The following UBE4A variants were observed in gnomAD, a reference collection of about 807,000 sequenced individuals.
UBE4A encodes the protein ubiquitin conjugation factor E4 A.
A neutral mutation model predicts 117.9 loss-of-function variants in UBE4A; 48 were observed. The ratio of observed to expected loss-of-function variants is 0.41; its 90% CI spans 0.32 to 0.52. The LOEUF (loss-of-function observed/expected upper bound fraction) is 0.52, where lower values mean the gene tolerates loss of function less well. UBE4A is among the 20% of genes least tolerant of loss of function. The probability of loss-of-function intolerance (pLI) is 0.33; values close to 1 mark genes in which losing one functional copy is unlikely to be tolerated. For missense variants in UBE4A, 1,067 were observed against 1,296.3 expected, an observed-to-expected ratio of 0.82 and a Z score of 2.72; for synonymous variants, 407 against 450.0, an observed-to-expected ratio of 0.90 and a Z score of 1.21.
chr11:118,364,496 A>T (rs1948547282), intron 1 of UBE4A, among the ~76,000 whole-genome samples: 1 of 152,124 alleles, frequency 6.6e-6, no homozygotes, highest in African/African-American at 2.4e-5. Flanking sequence ...AACTGCTTCC[A>T]GTCCTGATTT....
At chr11:118,387,025 A>G (rs1277422728) in intron 16 of UBE4A, among the ~76,000 whole-genome samples, 1 of 152,212 alleles carries the variant, frequency 6.6e-6, no homozygotes, top group Non-Finnish European at 1.5e-5. Context: ...AGCCACTTGC[A>G]ACGTGTGGCT....
intron 3 of UBE4A, 80 bp from the exon 4 acceptor site, chr11:118,369,343 A>G: frequency 1.0e-6 from 1 of 996,924 alleles, no homozygotes; most frequent in African/African-American, 1.6e-5. Context: ...TTGCAGTTCA[A>G]GAGTGATGCT....
intron 13 of UBE4A, 76 bp downstream of exon 13, chr11:118,382,852 G>A (rs1008220067): frequency 3.8e-6 from 5 of 1,319,992 alleles, no homozygotes; most frequent in South Asian, 2.2e-5. Context: ...TCCGTATTTG[G>A]ATATCAAAGA....
chr11:118,387,024 C>G (rs546989115), intron 16 of UBE4A, among the ~76,000 whole-genome samples: 1 of 152,308 alleles, frequency 6.6e-6, no homozygotes, highest in African/African-American at 2.4e-5. Context: ...TAGCCACTTG[C>G]AACGTGTGGC....
At chr11:118,372,478 A>C in intron 5 of UBE4A, 29 bp from the exon 6 acceptor site, 1 of 1,592,756 alleles carries the variant, frequency 6.3e-7, no homozygotes, top group Non-Finnish European at 8.5e-7. Flanking sequence ...GAGTTAGACT[A>C]TTCCCTCTTT....
At chr11:118,367,129 G>C (rs541857621) in intron 2 of UBE4A, among the ~76,000 whole-genome samples, 6 of 151,400 alleles carry the variant, frequency 4.0e-5, no homozygotes, top group Non-Finnish European at 7.4e-5. Context: ...GAACCTGGGA[G>C]GTAGAGGTTG....
At chr11:118,373,465 G>T in intron 7 of UBE4A, 29 bp from the exon 8 acceptor site, 1 of 1,594,918 alleles carries the variant, frequency 6.3e-7, no homozygotes, top group Non-Finnish European at 8.5e-7. Context: ...CCATGAAGAT[G>T]AATAAGCAGA....
intron 7 of UBE4A, 64 bp from the exon 8 acceptor site, chr11:118,373,430 C>T (rs1391143780): frequency 6.5e-7 from 1 of 1,549,800 alleles, no homozygotes; most frequent in Non-Finnish European, 8.7e-7. Flanking sequence ...GTTTTGAGGC[C>T]CTCCCACCCC....
chr11:118,368,753 C>T lies in UBE4A; in HGVS notation c.244C>T (p.Leu82Phe). 2 of 1,614,178 alleles carry T rather than the reference C, an allele frequency of 1.2e-6. No homozygotes were observed. Among genetic ancestry groups the T allele is most frequent in the Non-Finnish European group, 1.7e-6 (2 of 1,180,034 alleles). Residue 82 changes from leucine (L) to phenylalanine (F), a missense_variant, in exon 3 of 20, where the codon CTC becomes TTC. Leu to Phe is a conservative substitution (Grantham distance 22). Transcript: ENST00000252108. Reference sequence around the variant, plus strand: ...ATCACAGCAGGAAATATGTGAGCAACTCAACATCAATCACATGATCCAAAG... The same window carrying T: ...ATCACAGCAGGAAATATGTGAGCAATTCAACATCAATCACATGATCCAAAG... The part of the protein sequence containing the change: ...FRSQQEICEQ[L>F]NINHMIQRIF...
At chr11:118,370,701 A>G (rs1409042432) in intron 4 of UBE4A, among the ~76,000 whole-genome samples, 1 of 152,032 alleles carries the variant, frequency 6.6e-6, no homozygotes, top group Non-Finnish European at 1.5e-5. Context: ...GGCTGAGAAG[A>G]TTCAGGGTAT....
chr11:118,393,588 T>C (rs1325721288), intron 19 of UBE4A, among the ~76,000 whole-genome samples: 1 of 150,108 alleles, frequency 6.7e-6, no homozygotes, highest in African/African-American at 2.5e-5. Flanking sequence ...TGTGAGCCAC[T>C]GTGCCTGGCC....
chr11:118,373,185 A>T lies in UBE4A; in HGVS notation c.821A>T (p.Asp274Val). Residue 274 changes from aspartate (D) to valine (V), a missense_variant, in exon 7 of 20, where the codon GAT becomes GTT. By Grantham distance (152) the Asp-to-Val change is radical (BLOSUM62 -3). Around this residue, in one of 3 missense-constraint regions of UBE4A, gnomAD observed 1,001 missense variants for 1,184.0 expected, o/e 0.85. Coordinates refer to ENST00000252108, the MANE Select transcript of UBE4A (RefSeq NM_001204077.2). ...CCAGAAGTCATGATTCCAGTGTTTGATATTTTATTGGGCCGAATAAAAGAT... is the reference window on the plus strand; with the variant it reads ...CCAGAAGTCATGATTCCAGTGTTTGTTATTTTATTGGGCCGAATAAAAGAT... ...TFPEVMIPVF[D>V]ILLGRIKDLE... 1.2e-6 allele frequency: 2 copies of T among 1,613,958 alleles called. No individual in the cohort carries two copies. Among genetic ancestry groups the T allele is most frequent in the Admixed American group, 1.7e-5 (1 of 60,008 alleles).
At position 118,375,105 on chromosome 11, in the gene UBE4A, C is replaced by T. The variant is rs368482492; in HGVS notation, c.1326C>T (p.Leu442=). The T allele has an allele frequency of 1.1e-5, 18 of 1,614,072 alleles. No individual in the cohort carries two copies. In the African/African-American group the frequency reaches 2.4e-4, roughly 22 times the overall value. Residue 442 remains leucine, a synonymous_variant, in exon 9 of 20, where the codon CTC becomes CTT. Coordinates refer to ENST00000252108, the MANE Select transcript of UBE4A (RefSeq NM_001204077.2). ...DAFFLNLGAA[L]LKLCQPFCKP... is the part of the protein sequence containing the mutation. ...TCTTTCTGAATCTGGGTGCTGCTCT[C>T]CTGAAGCTATGCCAGCCATTTTGCA...
chr11:118,396,477 G>C lies in UBE4A; in HGVS notation c.*37G>C. On this transcript the variant is annotated 3_prime_UTR_variant, in exon 20 of 20. Transcript: ENST00000252108. ...TAACCAAACCAAAACCAACCCCAGA[G>C]TGCAGATAAACAATTGTTTGTGGTT... 8 of 1,589,352 alleles carry C rather than the reference G, an allele frequency of 5.0e-6. No homozygotes were observed. The highest frequency in any genetic ancestry group is 6.0e-6 in the Non-Finnish European group (7 of 1,169,450).
At position 118,375,092 on chromosome 11, in the gene UBE4A, T is replaced by C; in HGVS notation, c.1313T>C (p.Leu438Pro). 6.2e-7 allele frequency: 1 copy of C among 1,614,236 alleles called. No individual in the cohort carries two copies. Among genetic ancestry groups the C allele is most frequent in the East Asian group, 2.2e-5 (1 of 44,886 alleles). The change falls in exon 9 of 20, where the codon CTG becomes CCG. Residue 438 changes from leucine (L) to proline (P), a missense_variant. This residue lies in a region of UBE4A where 1,001 missense variants were observed against 1,184.0 expected (regional missense o/e 0.85). Transcript: ENST00000252108. ...GCCTCAGATGCTTTCTTTCTGAATC[T>C]GGGTGCTGCTCTCCTGAAGCTATGC... ...MYASDAFFLN[L>P]GAALLKLCQP... is the part of the protein sequence containing the mutation.
Position 118,397,247 on chromosome 11 carries a change from A to G in UBE4A, c.*807A>G, listed in dbSNP as rs531424516. On this transcript the variant is annotated 3_prime_UTR_variant, in exon 20 of 20. Coordinates refer to ENST00000252108, the MANE Select transcript of UBE4A (RefSeq NM_001204077.2). The stretch of plus-strand genomic sequence containing the variant: ...ATGAAAAATGTCATTTTAAGACACT[A>G]ATATCAACAGTATATCTCAGTGTGT... 20 of 152,318 alleles carry G rather than the reference A, an allele frequency of 1.3e-4. No individual in the cohort carries two copies. The highest frequency in any genetic ancestry group is 4.6e-4 in the African/African-American group (19 of 41,562). 9.4% of individuals were successfully genotyped at this position (152,318 alleles called of 1,614,324 possible). A position where few individuals can be genotyped will look rare whatever the true frequency, so the allele number is the denominator to read the frequency against.
chr11:118,397,671 T>G lies in UBE4A; in HGVS notation c.*1231T>G, dbSNP rs1555130063. The G allele has an allele frequency of 1.3e-5, 2 of 152,232 alleles. No individual in the cohort carries two copies. The highest frequency in any genetic ancestry group is 4.8e-5 in the African/African-American group (2 of 41,464). 9.4% of individuals were successfully genotyped at this position (152,232 alleles called of 1,614,324 possible). On this transcript the variant is annotated 3_prime_UTR_variant, in exon 20 of 20. Transcript: ENST00000252108. ...AGGGACATTCCCCTATGGATTATCT[T>G]TATATCACTGTCTTTCTAAGCCCAG...
intron 8 of UBE4A, 138 bp from the exon 9 acceptor site, chr11:118,374,758 A>T: frequency 1.3e-6 from 1 of 769,862 alleles, no homozygotes; most frequent in Non-Finnish European, 1.9e-6. Flanking sequence ...TTTAAAATCA[A>T]ATTAGGGGAT....
intron 16 of UBE4A, among the ~76,000 whole-genome samples, chr11:118,389,181 T>G (rs1469695301): frequency 6.6e-6 from 1 of 152,140 alleles, no homozygotes; most frequent in Non-Finnish European, 1.5e-5. Flanking sequence ...TCTGTGATGG[T>G]GAAAATGTCC....
Sources: gnomAD v4.1 joint callset for allele counts (sites outside exome capture counted in the v4.1 genomes callset) on GRCh38, gnomAD v4.1.1 for gene constraint, gnomAD v4.1.1 regional missense constraint, MANE v1.5 for transcripts, NCBI Gene and HGNC (gene_info 2026-07-23, HGNC 2026-07-21) for gene names.